The following RPTOR variants were observed in gnomAD, a reference collection of about 807,000 sequenced individuals.
RPTOR encodes the protein regulatory associated protein of MTOR complex 1.
Under a neutral mutation model 169.9 loss-of-function variants are expected in RPTOR, and 21 were observed. The ratio of observed to expected loss-of-function variants is 0.12; its 90% CI spans 0.09 to 0.18. RPTOR has a LOEUF of 0.18. Among genes scored for constraint, RPTOR ranks in the 10% least tolerant of loss-of-function variants. RPTOR has a pLI of 1.00. For missense variants in RPTOR, 1,133 were observed against 1,855.9 expected (o/e 0.61, Z 7.16); for synonymous variants, 732 against 753.2 (o/e 0.97, Z 0.46).
intron 5 of RPTOR, among the ~76,000 whole-genome samples, chr17:80,737,973 C>T (rs1405408867): frequency 2.0e-5 from 3 of 151,438 alleles, no homozygotes; most frequent in African/African-American, 7.3e-5. Flanking sequence ...CGGCCATCCC[C>T]AAAGCCCCGC....
At chr17:80,890,027 G>A (rs568061867) in intron 17 of RPTOR, among the ~76,000 whole-genome samples, 2 of 149,786 alleles carry the variant, frequency 1.3e-5, no homozygotes, top group South Asian at 2.1e-4. Context: ...CAGGATGTGT[G>A]TTCGGGAGTG....
At chr17:80,673,857 G>A (rs552116733) in intron 3 of RPTOR, among the ~76,000 whole-genome samples, 2 of 152,354 alleles carry the variant, frequency 1.3e-5, no homozygotes, top group South Asian at 4.1e-4. Context: ...GTGTAAGCGC[G>A]ATGGAGAGGT....
rs1480636216 is a variant in RPTOR at position 80,960,127 on chromosome 17, C to T, written c.3527C>T (p.Ser1176Phe). 6.2e-7 allele frequency: 1 copy of T among 1,613,706 alleles called. No individual in the cohort carries two copies. The highest frequency in any genetic ancestry group is 8.5e-7 in the Non-Finnish European group (1 of 1,179,998). Residue 1176 changes from serine to phenylalanine, a missense_variant, in exon 30 of 34, where the codon TCC becomes TTC. Ser to Phe is a radical substitution (Grantham distance 155). Around this residue, in one of 9 missense-constraint regions of RPTOR, gnomAD observed 410 missense variants for 623.7 expected, o/e 0.66. Transcript: ENST00000306801. This position sits in a 1 kb window ranked among gnomAD's most constrained non-coding sequence, Gnocchi z 4.8. ...DSCVTSLSCD[S>F]HRSLIVAGLG... The stretch of plus-strand genomic sequence containing the variant: ...TGTGTGACGAGTCTGTCCTGTGATT[C>T]CCACCGCTCACTCATCGTGGCTGGC...
chr17:80,869,674 G>A (rs1271959760), intron 13 of RPTOR, among the ~76,000 whole-genome samples: 1 of 152,204 alleles, frequency 6.6e-6, no homozygotes, highest in Non-Finnish European at 1.5e-5. Flanking sequence ...TGCGTGTCAG[G>A]AGGGAGGACT....
In RPTOR at chr17:80,961,003, C is replaced by T. The variant is rs1327415468; in HGVS notation, c.3606-391C>T. ...TAGGTCTGGGATTCTCATTCCTGAC[C>T]CTCCAGTCTGCACAGATCGGGGAGA... On this transcript the variant is annotated intron_variant, in intron 30 of 33. Transcript: ENST00000306801. 4 of 223,668 alleles carry T rather than the reference C, an allele frequency of 1.8e-5. No homozygotes were observed. In the East Asian group the frequency reaches 3.8e-4, roughly 21 times the overall value. The allele number at this position is 223,668 out of a possible 1,614,324, so 13.9% of individuals were successfully genotyped here. A position where few individuals can be genotyped will look rare whatever the true frequency, so the allele number is the denominator to read the frequency against.
chr17:80,924,386 G>A (rs2068786354), intron 23 of RPTOR, among the ~76,000 whole-genome samples: 1 of 152,132 alleles, frequency 6.6e-6, no homozygotes, highest in African/African-American at 2.4e-5. Flanking sequence ...AATGAGTGGG[G>A]TCCGGGGCTC....
intron 3 of RPTOR, among the ~76,000 whole-genome samples, chr17:80,666,015 T>C (rs1025620320): frequency 6.6e-6 from 1 of 152,212 alleles, no homozygotes; most frequent in African/African-American, 2.4e-5. Context: ...ATGTTTACCA[T>C]GCCTTGACTG....
chr17:80,632,770 T>C (rs1412722164), intron 2 of RPTOR, among the ~76,000 whole-genome samples: 2 of 152,192 alleles, frequency 1.3e-5, no homozygotes, highest in Non-Finnish European at 2.9e-5. Context: ...CAGGAGTGTG[T>C]AGCAGCCCAC....
At chr17:80,819,125 C>G (rs916847413) in intron 7 of RPTOR, among the ~76,000 whole-genome samples, 4 of 152,174 alleles carry the variant, frequency 2.6e-5, no homozygotes, top group African/African-American at 9.7e-5. Flanking sequence ...CAGCCCTGGC[C>G]CCCGCCAGCT....
chr17:80,863,976 G>GA (rs202242800), intron 13 of RPTOR, among the ~76,000 whole-genome samples: 11,225 of 151,562 alleles, frequency 0.074, 464 homozygotes, highest in Non-Finnish European at 0.1. Flanking sequence ...GGTAAGAAAA[G>GA]AAAAAAAAAT....
rs1370291766 is a variant in RPTOR, at chr17:80,656,075, A to AT, written c.348+12274dup. On this transcript the variant is annotated intron_variant, in intron 3 of 33. Coordinates refer to ENST00000306801, the MANE Select transcript of RPTOR (RefSeq NM_020761.3). Reference sequence around the variant, plus strand: ...AAAGCAGCATATTGGGTCAAAATACATTTTTTTTTCTTTGAGACAGAGTCT... The same window carrying AT: ...AAAGCAGCATATTGGGTCAAAATACATTTTTTTTTTCTTTGAGACAGAGTCT... 9.3e-5 allele frequency among the ~76,000 whole-genome samples: 14 copies of AT among 150,924 alleles called. No homozygotes were observed. In the East Asian group the frequency reaches 1.6e-3, roughly 17 times the overall value.
intron 11 of RPTOR, among the ~76,000 whole-genome samples, chr17:80,849,367 C>T (rs553541345): frequency 1.3e-5 from 2 of 152,328 alleles, no homozygotes; most frequent in Admixed American, 6.5e-5. Context: ...CCGGCTGATT[C>T]GCAGCCCCTC....
At chr17:80,822,851 GCA>G (rs1318831454) in intron 8 of RPTOR, among the ~76,000 whole-genome samples, 3 of 152,200 alleles carry the variant, frequency 2.0e-5, no homozygotes, top group South Asian at 2.1e-4. Context: ...ACACACCTGT[GCA>G]CACACATGTA....
chr17:80,681,891 A>G lies in RPTOR; in HGVS notation c.349-25950A>G, dbSNP rs1425137369. 2.6e-5 allele frequency among the ~76,000 whole-genome samples: 4 copies of G among 152,008 alleles called. No individual in the cohort carries two copies. The South Asian group carries it at 8.3e-4, about 32-fold the overall frequency. The stretch of plus-strand genomic sequence containing the variant: ...AAACGTAGTTACAATCTCTCCTGTC[A>G]TGAACACTGAGGAAGAATGAATTTG... On this transcript the variant is annotated intron_variant, in intron 3 of 33. Transcript: ENST00000306801.
At chr17:80,602,816 G>T (rs2065200136) in intron 1 of RPTOR, 8 of 666,602 alleles carry the variant, frequency 1.2e-5, no homozygotes, top group South Asian at 1.1e-4. Context: ...GCTTCATGAA[G>T]CCCACTCCGT....
chr17:80,814,684 T>C (rs965351297), intron 7 of RPTOR, among the ~76,000 whole-genome samples: 1 of 152,204 alleles, frequency 6.6e-6, no homozygotes, highest in African/African-American at 2.4e-5. Flanking sequence ...CCATCAAATA[T>C]GTACACGGCA....
At chr17:80,933,532 G>A (rs1418312986) in intron 24 of RPTOR, among the ~76,000 whole-genome samples, 2 of 152,210 alleles carry the variant, frequency 1.3e-5, no homozygotes, top group Non-Finnish European at 2.9e-5. Context: ...CTAACATTAA[G>A]TTGGCAGAAC....
intron 21 of RPTOR, among the ~76,000 whole-genome samples, chr17:80,918,100 T>C (rs2068695635): frequency 6.6e-6 from 1 of 152,246 alleles, no homozygotes; most frequent in South Asian, 2.1e-4. Context: ...ATGTCACACC[T>C]ATGGCTTGAA....
chr17:80,685,633 T>A (rs1398904925), intron 3 of RPTOR, among the ~76,000 whole-genome samples: 268 of 43,658 alleles, frequency 6.1e-3, no homozygotes, highest in Middle Eastern at 0.014. Context: ...ATATATTTTT[T>A]TTTTTTTTTT....
Sources: gnomAD v4.1 joint callset for allele counts (sites outside exome capture counted in the v4.1 genomes callset) on GRCh38, gnomAD v4.1.1 for gene constraint, gnomAD v4.1.1 regional missense constraint, Gnocchi (gnomAD v3.1) non-coding constraint, MANE v1.5 for transcripts, NCBI Gene and HGNC (gene_info 2026-07-23, HGNC 2026-07-21) for gene names.